Variants in RALGAPA2 observed in about 807,000 individuals in gnomAD.
RALGAPA2 encodes the protein ral GTPase-activating protein subunit alpha-2.
A neutral mutation model predicts 230.4 loss-of-function variants in RALGAPA2; 139 were observed. That is an observed-to-expected ratio of 0.60 (90% CI 0.53 to 0.69). RALGAPA2 has a LOEUF of 0.69. Ranked by LOEUF, RALGAPA2 falls within the 30% of genes least tolerant of loss-of-function variation. The pLI, the probability that RALGAPA2 is intolerant of heterozygous loss-of-function variation, is 0.00. For synonymous variants in RALGAPA2, 847 were observed against 837.8 expected, an observed-to-expected ratio of 1.01 and a Z score of -0.19; for missense variants, 2,163 against 2,276.0, an observed-to-expected ratio of 0.95 and a Z score of 1.01.
At chr20:20,458,517 T>C (rs1248953445) in intron 37 of RALGAPA2, among the ~76,000 whole-genome samples, 2 of 137,450 alleles carry the variant, frequency 1.5e-5, no homozygotes, top group African/African-American at 5.4e-5. Flanking sequence ...AATATATATG[T>C]ATTTTATATA....
At chr20:20,569,697 T>C (rs1436177417) in intron 23 of RALGAPA2, among the ~76,000 whole-genome samples, 2 of 152,144 alleles carry the variant, frequency 1.3e-5, no homozygotes, top group Non-Finnish European at 2.9e-5. Flanking sequence ...TCTTATTTCA[T>C]CTCATTTTAC....
chr20:20,440,084 C>T (rs768062120), intron 37 of RALGAPA2, among the ~76,000 whole-genome samples: 2 of 152,074 alleles, frequency 1.3e-5, no homozygotes, highest in Non-Finnish European at 2.9e-5. Flanking sequence ...TATCTCCACA[C>T]GGGCAGCAGC....
rs983114869 is a variant in RALGAPA2 at position 20,454,857 on chromosome 20, T to TA, written c.5495+17971_5495+17972insT. Among the ~76,000 whole-genome samples the TA allele has an allele frequency of 9.8e-5, 15 of 152,342 alleles. No homozygotes were observed. The Middle Eastern group carries it at 0.014, about 138-fold the overall frequency. ...TACTGGCATTTCAAATATATATATA[T>TA]TTTTAAAGTTTTAATGTTTTAAAAA... On this transcript the variant is annotated intron_variant, in intron 37 of 39. Transcript: ENST00000202677.
In RALGAPA2 at chr20:20,392,281, C is replaced by T. The variant is rs1040554067; in HGVS notation, c.*1008G>A. ...AAGGATTAAATCCCTCGCTTGGAAT[C>T]GGCTACCAAAAGCTTTGTGTGACAA... is the stretch of plus-strand genomic sequence containing the variant. On this transcript the variant is annotated 3_prime_UTR_variant, in exon 40 of 40. Coordinates refer to ENST00000202677, the MANE Select transcript of RALGAPA2 (RefSeq NM_020343.4). 3 of 152,260 alleles carry T rather than the reference C, an allele frequency of 2.0e-5. No individual in the cohort carries two copies. Among genetic ancestry groups the T allele is most frequent in the South Asian group, 4.1e-4 (2 of 4,832 alleles). 9.4% of individuals were successfully genotyped at this position (152,260 alleles called of 1,614,324 possible).
At chr20:20,438,348 A>T (rs2060660461) in intron 37 of RALGAPA2, among the ~76,000 whole-genome samples, 2 of 152,242 alleles carry the variant, frequency 1.3e-5, no homozygotes, top group African/African-American at 4.8e-5. Flanking sequence ...ATATTACTAT[A>T]TATGCATTTG....
intron 21 of RALGAPA2, among the ~76,000 whole-genome samples, chr20:20,572,471 T>A (rs923734001): frequency 3.3e-5 from 5 of 151,740 alleles, no homozygotes; most frequent in Admixed American, 2.6e-4. Flanking sequence ...AACTTGTATG[T>A]ACTCTAAGAT....
chr20:20,582,685 G>A (rs1302247153), intron 20 of RALGAPA2, among the ~76,000 whole-genome samples: 2 of 152,170 alleles, frequency 1.3e-5, no homozygotes, highest in East Asian at 3.9e-4. Flanking sequence ...AGACTCACTC[G>A]TGTTCACTTC....
At chr20:20,512,306 G>A (rs547705511) in intron 32 of RALGAPA2, among the ~76,000 whole-genome samples, 9 of 151,376 alleles carry the variant, frequency 5.9e-5, no homozygotes, top group African/African-American at 2.2e-4. Flanking sequence ...AACATGTTTG[G>A]AATTCAATCT....
intron 36 of RALGAPA2, 36 bp from the exon 37 acceptor site, chr20:20,472,992 C>T (rs1233041180): frequency 7.6e-6 from 12 of 1,578,828 alleles, no homozygotes; most frequent in Non-Finnish European, 1.0e-5. Context: ...ATTTTAAAAA[C>T]TGATAAAAGT....
chr20:20,396,791 A>C, intron 38 of RALGAPA2, 57 bp from the exon 39 acceptor site: 1 of 1,369,864 alleles, frequency 7.3e-7, no homozygotes, highest in South Asian at 1.2e-5. Flanking sequence ...CCACAGCTCC[A>C]ACTTGATAAC....
chr20:20,555,077 C>A (rs2064043486), intron 23 of RALGAPA2, among the ~76,000 whole-genome samples: 1 of 152,142 alleles, frequency 6.6e-6, no homozygotes, highest in Non-Finnish European at 1.5e-5. Context: ...GGACACAGAA[C>A]CATTTTGAGT....
rs557634663 is a variant in RALGAPA2 at position 20,478,808 on chromosome 20, T to A, written c.5368-5852A>T. Among the ~76,000 whole-genome samples the A allele has an allele frequency of 5.9e-5, 9 of 151,526 alleles. No individual in the cohort carries two copies. The South Asian group carries it at 1.9e-3, about 32-fold the overall frequency. On this transcript the variant is annotated intron_variant, in intron 36 of 39. Coordinates refer to ENST00000202677, the MANE Select transcript of RALGAPA2 (RefSeq NM_020343.4). The stretch of plus-strand genomic sequence containing the variant: ...ATTCATACCCCAAACCTCAGCATCA[T>A]GCAATATACCCAGGTAACAAACCTG...
Position 20,652,129 on chromosome 20 carries a change from T to C in RALGAPA2, c.328+1401A>G, listed in dbSNP as rs550141533. Among the ~76,000 whole-genome samples the C allele has an allele frequency of 2.0e-5, 3 of 152,336 alleles. No individual in the cohort carries two copies. In the East Asian group the frequency reaches 5.8e-4, roughly 29 times the overall value. On this transcript the variant is annotated intron_variant, in intron 4 of 39. Coordinates refer to ENST00000202677, the MANE Select transcript of RALGAPA2 (RefSeq NM_020343.4). ...TACACTTTTTTAAATTAAGAACATA[T>C]AACTTCAAATAATTCAGTTTCTATA...
chr20:20,672,313 G>C (rs963305843), intron 3 of RALGAPA2, among the ~76,000 whole-genome samples: 3 of 152,182 alleles, frequency 2.0e-5, no homozygotes, highest in Non-Finnish European at 4.4e-5. Context: ...AGAAGCCACT[G>C]TGAATGAGAG....
chr20:20,558,804 T>A (rs1196643570), intron 23 of RALGAPA2, among the ~76,000 whole-genome samples: 5 of 143,754 alleles, frequency 3.5e-5, no homozygotes, highest in African/African-American at 1.3e-4. Context: ...ATCTCAACTC[T>A]GCTAAAAAAA....
At position 20,620,643 on chromosome 20, in the gene RALGAPA2, G is replaced by C; in HGVS notation, c.1234-13C>G. ...GCAACAAAAATGCCTGAAAGGAAAA[G>C]AGAAAACTCCCTTTAACTACAAACA... On this transcript the variant is annotated splice_polypyrimidine_tract_variant and intron_variant, in intron 10 of 39. Transcript: ENST00000202677. 1 of 1,597,864 alleles carries C rather than the reference G, an allele frequency of 6.3e-7. No homozygotes were observed. The highest frequency in any genetic ancestry group is 8.5e-7 in the Non-Finnish European group (1 of 1,172,092).
chr20:20,623,925 T>C (rs2146369510), intron 10 of RALGAPA2, among the ~76,000 whole-genome samples: 1 of 152,328 alleles, frequency 6.6e-6, no homozygotes, highest in Admixed American at 6.5e-5. Context: ...TGTGAGATTG[T>C]CCTGTTTCTT....
intron 20 of RALGAPA2, among the ~76,000 whole-genome samples, chr20:20,574,627 AATTT>A (rs2064761786): frequency 6.6e-6 from 1 of 152,170 alleles, no homozygotes; most frequent in African/African-American, 2.4e-5. Context: ...ATAACAAAAA[AATTT>A]ATTTCATAGT....
At chr20:20,595,553 T>G (rs2065426278) in intron 16 of RALGAPA2, among the ~76,000 whole-genome samples, 1 of 152,130 alleles carries the variant, frequency 6.6e-6, no homozygotes, top group South Asian at 2.1e-4. Context: ...AAGGGGAGAT[T>G]GTTGATCCTC....
Sources: gnomAD v4.1 joint callset for allele counts (sites outside exome capture counted in the v4.1 genomes callset) on GRCh38, gnomAD v4.1.1 for gene constraint, MANE v1.5 for transcripts, NCBI Gene and HGNC (gene_info 2026-07-23, HGNC 2026-07-21) for gene names.